The following SEMA3D variants were observed in gnomAD, a reference collection of about 807,000 sequenced individuals.
SEMA3D encodes semaphorin 3D.
SEMA3D carries 84 observed loss-of-function variants against 100.1 expected under a neutral mutation model. The observed-to-expected ratio is 0.84, with a 90% CI of 0.70 to 1.01. The LOEUF is 1.01. Among genes scored for constraint, SEMA3D ranks in the 50% least tolerant of loss-of-function variants. SEMA3D has a pLI of 0.00. For synonymous variants in SEMA3D, 312 were observed against 320.7 expected, an observed-to-expected ratio of 0.97 and a Z score of 0.29; for missense variants, 875 against 934.1, an observed-to-expected ratio of 0.94 and a Z score of 0.82.
the SEMA3D span, among the ~76,000 whole-genome samples, chr7:85,214,775 C>T: frequency 8.5e-5 from 13 of 152,210 alleles, no homozygotes; most frequent in Middle Eastern, 3.4e-3. Flanking sequence ...GGATTACAGG[C>T]GTGAGCCACC....
chr7:85,074,032 C>T (rs758316646), intron 5 of SEMA3D, among the ~76,000 whole-genome samples: 8 of 152,144 alleles, frequency 5.3e-5, no homozygotes, highest in Non-Finnish European at 8.8e-5. Context: ...CAACCTATCT[C>T]CTGCAAGTGA....
intron 9 of SEMA3D, among the ~76,000 whole-genome samples, chr7:85,055,049 T>C (rs969117677): frequency 2.0e-5 from 3 of 152,078 alleles, no homozygotes; most frequent in African/African-American, 7.2e-5. Flanking sequence ...AAAATAAATA[T>C]TTTGCATTGT....
chr7:85,100,087 T>A (rs1056271561), intron 3 of SEMA3D, among the ~76,000 whole-genome samples: 1 of 151,958 alleles, frequency 6.6e-6, no homozygotes, highest in Non-Finnish European at 1.5e-5. Flanking sequence ...AGAAACTGAA[T>A]CCCAGAAAAT....
rs555980702 is a variant in SEMA3D, at chr7:85,064,457, T to C, written c.718+967A>G. Among the ~76,000 whole-genome samples, 4 of 152,310 alleles carry C rather than the reference T, an allele frequency of 2.6e-5. No individual in the cohort carries two copies. In the East Asian group the frequency reaches 7.7e-4, roughly 29 times the overall value. On this transcript the variant is annotated intron_variant, in intron 8 of 18. Coordinates refer to ENST00000284136, the MANE Select transcript of SEMA3D (RefSeq NM_001384900.1). ...TTTTTGGCTGATGAGAATCACATTG[T>C]TGTATAAACAAATAGATCTGGAGTT...
At chr7:85,181,662 T>A (rs1791413868) in intron 1 of SEMA3D, 1 of 334,132 alleles carries the variant, frequency 3.0e-6, no homozygotes, top group Non-Finnish European at 4.3e-6. Context: ...GGGCTAAGCA[T>A]GCTGACCTCC....
intron 3 of SEMA3D, among the ~76,000 whole-genome samples, chr7:85,114,308 A>G (rs1479568676): frequency 6.6e-6 from 1 of 152,226 alleles, no homozygotes; most frequent in East Asian, 1.9e-4. Flanking sequence ...GATTTTATAA[A>G]GAAGAGGTAG....
the SEMA3D span, among the ~76,000 whole-genome samples, chr7:85,232,271 T>C: frequency 7.2e-5 from 11 of 152,224 alleles, no homozygotes; most frequent in African/African-American, 2.2e-4. Context: ...GTAAGACTAA[T>C]TGTTGTGGGG....
chr7:85,055,683 T>TATATA (rs1791293806), intron 9 of SEMA3D, 34 bp downstream of exon 9: 1 of 342,466 alleles, frequency 2.9e-6, no homozygotes, highest in Admixed American at 5.0e-5. Flanking sequence ...TATATATATA[T>TATATA]ATGTTTTAAG....
At chr7:85,215,875 T>A in the SEMA3D span, among the ~76,000 whole-genome samples, 1 of 152,066 alleles carries the variant, frequency 6.6e-6, no homozygotes, top group Non-Finnish European at 1.5e-5. Context: ...TCTTCAAGAT[T>A]ACACTCAAAC....
At position 85,006,944 on chromosome 7, in the gene SEMA3D, G is replaced by A; in HGVS notation, c.1769-3C>T. Reference sequence around the variant, plus strand: ...ATCAGCAGTTTCATGACTAATGCCTGGAAAGCAAACATGGAATAAGAGATT... The same window carrying A: ...ATCAGCAGTTTCATGACTAATGCCTAGAAAGCAAACATGGAATAAGAGATT... On this transcript the variant is annotated splice_polypyrimidine_tract_variant and splice_region_variant and intron_variant, in intron 17 of 18. Coordinates refer to ENST00000284136, the MANE Select transcript of SEMA3D (RefSeq NM_001384900.1). The A allele has an allele frequency of 6.2e-7, 1 of 1,606,818 alleles. No homozygotes were observed.
At chr7:85,109,662 T>G (rs17647152) in intron 3 of SEMA3D, among the ~76,000 whole-genome samples, 34,413 of 151,872 alleles carry the variant, frequency 0.23, 3,954 homozygotes, top group African/African-American at 0.24. Context: ...TATTACTAGT[T>G]CTTAAGAAAT....
At chr7:85,114,251 A>G (rs1789175277) in intron 3 of SEMA3D, among the ~76,000 whole-genome samples, 1 of 152,218 alleles carries the variant, frequency 6.6e-6, no homozygotes, top group Non-Finnish European at 1.5e-5. Flanking sequence ...AAAGAGTTTT[A>G]AAAGGTGGTA....
chr7:85,175,130 T>G (rs2116558906), intron 1 of SEMA3D, among the ~76,000 whole-genome samples: 1 of 152,286 alleles, frequency 6.6e-6, no homozygotes, highest in Non-Finnish European at 1.5e-5. Context: ...TAGGGGAAAG[T>G]AGGCCTGAAT....
intron 12 of SEMA3D, among the ~76,000 whole-genome samples, chr7:85,023,712 A>T (rs1241791211): frequency 6.6e-6 from 1 of 151,930 alleles, no homozygotes; most frequent in Non-Finnish European, 1.5e-5. Flanking sequence ...AAAATATTCA[A>T]GAGGGTCATT....
intron 12 of SEMA3D, chr7:85,029,748 AC>A (rs1584535716): frequency 1.7e-5 from 4 of 237,016 alleles, no homozygotes; most frequent in Non-Finnish European, 3.4e-5. Flanking sequence ...ACACCGAAGA[AC>A]CCAAATTTGT....
At chr7:85,141,489 A>G in intron 2 of SEMA3D, 1 of 985,116 alleles carries the variant, frequency 1.0e-6, no homozygotes, top group African/African-American at 1.7e-5. Flanking sequence ...GACATGATGC[A>G]TGTCCTCCCT....
intron 2 of SEMA3D, among the ~76,000 whole-genome samples, chr7:85,123,303 C>A (rs1307757796): frequency 6.6e-6 from 1 of 152,074 alleles, no homozygotes; most frequent in Non-Finnish European, 1.5e-5. Flanking sequence ...AAATAGGCCA[C>A]AGGACCAATA....
the SEMA3D span, among the ~76,000 whole-genome samples, chr7:85,233,166 G>GA: frequency 6.6e-6 from 1 of 151,270 alleles, no homozygotes; most frequent in Non-Finnish European, 1.5e-5. Flanking sequence ...TCCTATTACT[G>GA]AAAAAAATGT....
At chr7:85,216,172 T>G in the SEMA3D span, among the ~76,000 whole-genome samples, 3 of 152,114 alleles carry the variant, frequency 2.0e-5, no homozygotes, top group African/African-American at 7.2e-5. Context: ...GCCTGAAAGC[T>G]CACTTTATCA....
Sources: gnomAD v4.1 joint callset for allele counts (sites outside exome capture counted in the v4.1 genomes callset) on GRCh38, gnomAD v4.1.1 for gene constraint, MANE v1.5 for transcripts, NCBI Gene and HGNC (gene_info 2026-07-23, HGNC 2026-07-21) for gene names.